The following MCC variants were observed in gnomAD, a reference collection of about 807,000 sequenced individuals.
MCC encodes the protein MCC regulator of Wnt signaling pathway.
In MCC, 90 loss-of-function variants were observed where a neutral mutation model predicts 116.2. The ratio of observed to expected loss-of-function variants is 0.77; its 90% CI spans 0.65 to 0.92. The LOEUF is 0.92. Ranked by LOEUF, MCC falls within the 40% of genes least tolerant of loss-of-function variation. The pLI is 0.00. For synonymous variants in MCC, 578 were observed against 510.5 expected, an observed-to-expected ratio of 1.13 and a Z score of -1.78; for missense variants, 1,516 against 1,312.2, an observed-to-expected ratio of 1.16 and a Z score of -2.40.
At chr5:113,140,624 A>G (rs974961066) in intron 5 of MCC, among the ~76,000 whole-genome samples, 1 of 152,128 alleles carries the variant, frequency 6.6e-6, no homozygotes, top group Admixed American at 6.5e-5. Flanking sequence ...TGAGATTGTC[A>G]TTTTCTTTCC....
At chr5:113,314,461 T>C (rs192937752) in intron 3 of MCC, among the ~76,000 whole-genome samples, 1 of 152,292 alleles carries the variant, frequency 6.6e-6, no homozygotes, top group East Asian at 1.9e-4. Flanking sequence ...GAAAGAACTG[T>C]TTTTGCTCAA....
chr5:113,319,912 C>G (rs1317524710), intron 3 of MCC, among the ~76,000 whole-genome samples: 1 of 152,170 alleles, frequency 6.6e-6, no homozygotes, highest in Non-Finnish European at 1.5e-5. Flanking sequence ...CCCCAATGGC[C>G]ATATGAGGCC....
intron 3 of MCC, among the ~76,000 whole-genome samples, chr5:113,182,550 C>T (rs919650387): frequency 1.3e-5 from 2 of 151,980 alleles, no homozygotes; most frequent in South Asian, 2.1e-4. Context: ...GAGCCAATAT[C>T]GTACCACTGC....
intron 1 of MCC, among the ~76,000 whole-genome samples, chr5:113,446,777 A>T (rs1294846761): frequency 6.6e-6 from 1 of 152,198 alleles, no homozygotes; most frequent in African/African-American, 2.4e-5. Flanking sequence ...TAAAGATGGC[A>T]ACAATAGACA....
intron 3 of MCC, among the ~76,000 whole-genome samples, chr5:113,171,699 C>G (rs1761080682): frequency 1.3e-5 from 2 of 152,256 alleles, no homozygotes; most frequent in African/African-American, 4.8e-5. Flanking sequence ...TAATTGGTGG[C>G]TCTGTGGCCT....
chr5:113,154,945 A>G (rs910182454), intron 3 of MCC, among the ~76,000 whole-genome samples: 1 of 152,132 alleles, frequency 6.6e-6, no homozygotes, highest in Non-Finnish European at 1.5e-5. Context: ...ATTGCCAGCT[A>G]TAGTAACCCT....
intron 6 of MCC, among the ~76,000 whole-genome samples, chr5:113,110,464 G>C (rs1002276598): frequency 6.6e-6 from 1 of 152,234 alleles, no homozygotes; most frequent in African/African-American, 2.4e-5. Context: ...AAGGATTTAG[G>C]TACACGGTAC....
chr5:113,177,167 G>C (rs78676385), intron 3 of MCC, among the ~76,000 whole-genome samples: 3,789 of 152,106 alleles, frequency 0.025, 164 homozygotes, highest in African/African-American at 0.086. Context: ...CTCCTATGTA[G>C]CCTCCTAGTT....
intron 3 of MCC, among the ~76,000 whole-genome samples, chr5:113,198,739 T>C (rs780896383): frequency 6.7e-6 from 1 of 149,094 alleles, no homozygotes; most frequent in Non-Finnish European, 1.5e-5. Flanking sequence ...ACAGACAGTA[T>C]AGATGTAACA....
At chr5:113,197,678 G>C (rs769117796) in intron 3 of MCC, among the ~76,000 whole-genome samples, 2 of 152,204 alleles carry the variant, frequency 1.3e-5, no homozygotes, top group Non-Finnish European at 2.9e-5. Context: ...GGGGCCCTAT[G>C]TATTAAGCAC....
intron 2 of MCC, among the ~76,000 whole-genome samples, chr5:113,345,279 T>TA (rs35808211): frequency 0.022 from 3,294 of 151,988 alleles, 79 homozygotes; most frequent in Non-Finnish European, 0.03. Flanking sequence ...GTTTTTTTTT[T>TA]ACTCCAATCC....
chr5:113,064,150 C>T lies in MCC; in HGVS notation c.2047G>A (p.Glu683Lys). 1 of 1,612,206 alleles carries T rather than the reference C, an allele frequency of 6.2e-7. No individual in the cohort carries two copies. The highest frequency in any genetic ancestry group is 8.5e-7 in the Non-Finnish European group (1 of 1,178,864). The change falls in exon 14 of 19, where the codon GAA becomes AAA. Residue 683 changes from glutamate to lysine, a missense_variant. Physicochemically the swap from Glu to Lys is moderately conservative, Grantham distance 56 (BLOSUM62 1). Transcript: ENST00000408903. ...GSSPGDQSGDENITQMLKRAH... is the reference protein window; with the variant it reads ...GSSPGDQSGDKNITQMLKRAH... ...CGCTTGAGCATCTGAGTGATGTTTT[C>T]ATCCCCCGACTGGTCTCCTATGTGG...
At chr5:113,046,685 CAAAAAAAA>C (rs151183145) in intron 16 of MCC, among the ~76,000 whole-genome samples, 25 of 58,388 alleles carry the variant, frequency 4.3e-4, no homozygotes, top group East Asian at 3.9e-3. Context: ...ACTCAAAAGG[CAAAAAAAA>C]AAAAAAAAAA....
At chr5:113,280,590 G>A (rs1340577793) in intron 3 of MCC, among the ~76,000 whole-genome samples, 1 of 152,134 alleles carries the variant, frequency 6.6e-6, no homozygotes, top group African/African-American at 2.4e-5. Context: ...GTTGAGAAAG[G>A]CCTTCCAGAG....
intron 3 of MCC, among the ~76,000 whole-genome samples, chr5:113,194,700 A>C (rs1762312843): frequency 6.6e-6 from 1 of 152,076 alleles, no homozygotes; most frequent in Non-Finnish European, 1.5e-5. Context: ...AGAAAGGGGA[A>C]GGGAAAGGGA....
intron 4 of MCC, among the ~76,000 whole-genome samples, chr5:113,150,110 C>CAA (rs1047691327): frequency 1.4e-4 from 21 of 151,864 alleles, no homozygotes; most frequent in African/African-American, 5.1e-4. Flanking sequence ...GGAGTGGAAA[C>CAA]AAAATTGAAC....
At chr5:113,058,539 G>T (rs940822391) in intron 14 of MCC, among the ~76,000 whole-genome samples, 2 of 152,222 alleles carry the variant, frequency 1.3e-5, no homozygotes, top group African/African-American at 4.8e-5. Flanking sequence ...GTGGGCATTT[G>T]CTCAGGAGCC....
At chr5:113,036,566 T>C (rs1751343962) in intron 17 of MCC, among the ~76,000 whole-genome samples, 1 of 152,198 alleles carries the variant, frequency 6.6e-6, no homozygotes, top group Non-Finnish European at 1.5e-5. Flanking sequence ...TCGGTGGCTG[T>C]GTTTTGCCAG....
chr5:113,046,731 T>C (rs1187051461), intron 16 of MCC, among the ~76,000 whole-genome samples: 1 of 128,028 alleles, frequency 7.8e-6, no homozygotes, highest in Non-Finnish European at 1.7e-5. Flanking sequence ...TTTGAAGGTG[T>C]TTGTATGGAA....
Sources: gnomAD v4.1 joint callset for allele counts (sites outside exome capture counted in the v4.1 genomes callset) on GRCh38, gnomAD v4.1.1 for gene constraint, MANE v1.5 for transcripts, NCBI Gene and HGNC (gene_info 2026-07-23, HGNC 2026-07-21) for gene names.